The following ROBO2 variants were observed in gnomAD, a reference collection of about 807,000 sequenced individuals.
ROBO2 encodes the protein roundabout homolog 2.
In ROBO2, 53 loss-of-function variants were observed where a neutral mutation model predicts 160.8. That is an observed-to-expected ratio of 0.33 (90% CI 0.26 to 0.41). ROBO2 has a LOEUF of 0.41. Ranked by LOEUF, ROBO2 falls within the 10% of genes least tolerant of loss-of-function variation. ROBO2 has a pLI of 1.00. For missense variants in ROBO2, 1,577 were observed against 1,722.4 expected (o/e 0.92, Z 1.49); for synonymous variants, 664 against 611.7 (o/e 1.09, Z -1.26).
At chr3:76,272,857 A>AATATATATTATATATTATATATT (rs1707589835) in intron 2 of ROBO2, among the ~76,000 whole-genome samples, 1 of 87,292 alleles carries the variant, frequency 1.1e-5, no homozygotes, top group Non-Finnish European at 2.0e-5. Context: ...TTATATATAA[A>AATATATATTATATATTATATATT]ATATATAAAA....
chr3:76,233,520 A>G (rs1479266866), intron 2 of ROBO2, among the ~76,000 whole-genome samples: 1 of 152,156 alleles, frequency 6.6e-6, no homozygotes, highest in Non-Finnish European at 1.5e-5. Context: ...TATAGCATTT[A>G]CTGCACCCTT....
At chr3:77,396,870 A>G (rs966481031) in intron 2 of ROBO2, among the ~76,000 whole-genome samples, 86 of 152,144 alleles carry the variant, frequency 5.7e-4, no homozygotes, top group Non-Finnish European at 1.9e-4. Context: ...ACCTATAAGT[A>G]GAACAATTAT....
chr3:77,460,279 C>T (rs1382855088), intron 2 of ROBO2, among the ~76,000 whole-genome samples: 1 of 152,036 alleles, frequency 6.6e-6, no homozygotes, highest in East Asian at 1.9e-4. Context: ...AAGATGATAC[C>T]ATGTACAAAG....
intron 2 of ROBO2, among the ~76,000 whole-genome samples, chr3:75,981,029 T>TG (rs1227322178): frequency 6.6e-6 from 1 of 151,598 alleles, no homozygotes; most frequent in East Asian, 1.9e-4. Context: ...TTTTATATAA[T>TG]AACATTACAA....
intron 2 of ROBO2, among the ~76,000 whole-genome samples, chr3:77,397,915 C>G (rs1205282100): frequency 6.6e-6 from 1 of 151,496 alleles, no homozygotes; most frequent in Non-Finnish European, 1.5e-5. Context: ...AAATTAGGAG[C>G]AACAAAGAAA....
intron 2 of ROBO2, among the ~76,000 whole-genome samples, chr3:76,442,208 G>A (rs1282552654): frequency 2.0e-5 from 3 of 152,236 alleles, no homozygotes; most frequent in African/African-American, 7.2e-5. Context: ...ATTGCTAAGT[G>A]TTGTATTTTT....
chr3:76,862,370 A>T (rs1263987773), intron 2 of ROBO2, among the ~76,000 whole-genome samples: 4 of 152,124 alleles, frequency 2.6e-5, no homozygotes, highest in African/African-American at 9.7e-5. Context: ...AAACTAACAG[A>T]TAAATTATCA....
chr3:76,812,675 A>C (rs1216044741), intron 2 of ROBO2, among the ~76,000 whole-genome samples: 1 of 152,054 alleles, frequency 6.6e-6, no homozygotes, highest in Non-Finnish European at 1.5e-5. Context: ...TTAGTTCTCA[A>C]ATAAAAAACT....
chr3:76,102,070 G>A (rs1043729005), intron 2 of ROBO2, among the ~76,000 whole-genome samples: 1 of 149,782 alleles, frequency 6.7e-6, no homozygotes, highest in Non-Finnish European at 1.5e-5. Flanking sequence ...GTACCCCGGG[G>A]TGTGATGTTC....
At chr3:77,510,779 G>A (rs2089293941) in intron 5 of ROBO2, among the ~76,000 whole-genome samples, 1 of 152,014 alleles carries the variant, frequency 6.6e-6, no homozygotes, top group Non-Finnish European at 1.5e-5. Flanking sequence ...TATATGCACG[G>A]CAGAAAATAA....
At chr3:77,496,712 A>G (rs1219198699) in intron 5 of ROBO2, among the ~76,000 whole-genome samples, 1 of 152,220 alleles carries the variant, frequency 6.6e-6, no homozygotes, top group Middle Eastern at 3.4e-3. Flanking sequence ...ATATGTGACT[A>G]TTTTTCTTTT....
In ROBO2 at chr3:77,318,222, TG is replaced by T. The variant is rs139943216; in HGVS notation, c.389-159188del. Among the ~76,000 whole-genome samples the T allele has an allele frequency of 7.8e-3, 1,180 of 151,928 alleles. 16 individuals are homozygous for T. The highest frequency in any genetic ancestry group is 0.026 in the African/African-American group (1,093 of 41,440). ...GCTATTTTTGTATTTTTAGTAGAGA[TG>T]GGGTTTCGCCATGTTGGCCCGGCTG... On this transcript the variant is annotated intron_variant, in intron 2 of 25. Coordinates refer to ENST00000461745, the Ensembl canonical transcript of ROBO2.
intron 2 of ROBO2, among the ~76,000 whole-genome samples, chr3:77,176,119 A>G (rs975534771): frequency 6.6e-6 from 1 of 151,994 alleles, no homozygotes; most frequent in African/African-American, 2.4e-5. Flanking sequence ...AGATTGAGGG[A>G]GAACTAGAAT....
intron 2 of ROBO2, among the ~76,000 whole-genome samples, chr3:76,949,237 G>C (rs2078809025): frequency 6.6e-6 from 1 of 152,010 alleles, no homozygotes; most frequent in Non-Finnish European, 1.5e-5. Context: ...CTCTTATGCT[G>C]CCTTTTGTTT....
At chr3:77,189,459 G>T (rs56319429) in intron 2 of ROBO2, among the ~76,000 whole-genome samples, 39,618 of 151,566 alleles carry the variant, frequency 0.26, 5,445 homozygotes, top group African/African-American at 0.32. Context: ...CTGTTATCAG[G>T]GGTATGGGAA....
chr3:77,018,066 A>G (rs973366222), intron 2 of ROBO2, among the ~76,000 whole-genome samples: 1 of 150,318 alleles, frequency 6.7e-6, no homozygotes, highest in African/African-American at 2.5e-5. Context: ...GTTTAGTAAG[A>G]CAAAGAAAAG....
At chr3:76,394,967 C>A in intron 2 of ROBO2, among the ~76,000 whole-genome samples, 1 of 152,096 alleles carries the variant, frequency 6.6e-6, no homozygotes, top group Non-Finnish European at 1.5e-5. Context: ...AGCTCTGCAC[C>A]AAGCAGACCT....
chr3:77,110,684 CAT>C lies in ROBO2; in HGVS notation c.388+12356_388+12357del, dbSNP rs66955153. ...GTAAATATAAGTATATATGTATATA[CAT>C]ATATATATATAGAGAGAGAGAGAGA... On this transcript the variant is annotated intron_variant, in intron 2 of 25. Coordinates refer to ENST00000461745, the Ensembl canonical transcript of ROBO2. 2.2e-3 allele frequency among the ~76,000 whole-genome samples: 328 copies of C among 147,760 alleles called. 1 individual carries two copies. Among genetic ancestry groups the C allele is most frequent in the African/African-American group, 7.7e-3 (313 of 40,510 alleles).
At position 76,998,565 on chromosome 3, in the gene ROBO2, T is replaced by C. The variant is rs143364152; in HGVS notation, c.110-99449T>C. On this transcript the variant is annotated intron_variant, in intron 2 of 26. Coordinates refer to the ROBO2 transcript ENST00000487694. ...AAGACAAATATTATTACTCAACAAT[T>C]TATAGCTATGGAAACTGAGGCTCAT... Among the ~76,000 whole-genome samples, 317 of 152,268 alleles carry C rather than the reference T, an allele frequency of 2.1e-3. 1 individual carries two copies. Among genetic ancestry groups the C allele is most frequent in the African/African-American group, 7.5e-3 (311 of 41,574 alleles).
Sources: allele counts gnomAD v4.1 joint callset (sites outside exome capture counted in the v4.1 genomes callset), GRCh38; gene constraint gnomAD v4.1.1; transcripts MANE v1.5; gene names NCBI Gene and HGNC (gene_info 2026-07-23, HGNC 2026-07-21).